Variants in B3GAT3 observed in about 807,000 individuals in gnomAD.
B3GAT3 encodes galactosylgalactosylxylosylprotein 3-beta-glucuronosyltransferase 3.
B3GAT3 carries 19 observed loss-of-function variants against 33.1 expected under a neutral mutation model. The observed-to-expected ratio is 0.57, with a 90% CI of 0.40 to 0.84. The LOEUF is 0.84. B3GAT3 is among the 40% of genes least tolerant of loss of function. The probability of loss-of-function intolerance (pLI) is 0.00; values close to 1 mark genes in which losing one functional copy is unlikely to be tolerated. For synonymous variants in B3GAT3, 167 were observed against 193.5 expected (o/e 0.86, Z 1.14); for missense variants, 344 against 441.5 (o/e 0.78, Z 1.98).
At chr11:62,620,084 C>T (rs377358703) in intron 2 of B3GAT3, among the ~76,000 whole-genome samples, 39 of 152,080 alleles carry the variant, frequency 2.6e-4, no homozygotes, top group Non-Finnish European at 5.3e-4. Context: ...AGTGCAATAG[C>T]GCACTCTCAG....
Position 62,615,345 on chromosome 11 carries a change from C to T in B3GAT3, c.*356G>A. The T allele has an allele frequency of 2.3e-6, 1 of 433,098 alleles. No individual in the cohort carries two copies. The highest frequency in any genetic ancestry group is 2.4e-5 in the South Asian group (1 of 41,774). 26.8% of individuals were successfully genotyped at this position (433,098 alleles called of 1,614,324 possible). ...GAGGTAGGAAGGGGGTCAGCATGCTCAGGTGGGAAGGGTCCAGCCCAGCTC... is the reference window on the plus strand; with the variant it reads ...GAGGTAGGAAGGGGGTCAGCATGCTTAGGTGGGAAGGGTCCAGCCCAGCTC... On this transcript the variant is annotated 3_prime_UTR_variant, in exon 5 of 5. Coordinates refer to ENST00000265471, the MANE Select transcript of B3GAT3 (RefSeq NM_012200.4).
At position 62,621,977 on chromosome 11, in the gene B3GAT3, C is replaced by T. The variant is rs755086193; in HGVS notation, c.-30G>A. The T allele has an allele frequency of 6.2e-5, 100 of 1,611,908 alleles. No individual in the cohort carries two copies. The highest frequency in any genetic ancestry group is 4.2e-6 in the Non-Finnish European group (5 of 1,178,976). ...GCGCCGCCGCCCGCGCCCGAGCAGGCGGGGTCTGCAGGGGACGAGGGGTTC... is the reference window on the plus strand; with the variant it reads ...GCGCCGCCGCCCGCGCCCGAGCAGGTGGGGTCTGCAGGGGACGAGGGGTTC... On this transcript the variant is annotated 5_prime_UTR_variant, in exon 1 of 5. Coordinates refer to ENST00000265471, the MANE Select transcript of B3GAT3 (RefSeq NM_012200.4).
Position 62,616,486 on chromosome 11 carries a change from GC to G in B3GAT3, c.909+19del. On this transcript the variant is annotated intron_variant, in intron 4 of 4. Coordinates refer to ENST00000265471, the MANE Select transcript of B3GAT3 (RefSeq NM_012200.4). ...GTCCATCCAAGAGCCAGGTTTCTATGCCCATCTCCATTCCCTTACCCGAGTG... is the reference window on the plus strand; with the variant it reads ...GTCCATCCAAGAGCCAGGTTTCTATGCCATCTCCATTCCCTTACCCGAGTG... The G allele has an allele frequency of 3.1e-6, 5 of 1,613,978 alleles. No homozygotes were observed. Among genetic ancestry groups the G allele is most frequent in the Non-Finnish European group, 4.2e-6 (5 of 1,180,012 alleles).
chr11:62,620,421 TG>T (rs1943122801), intron 2 of B3GAT3, 75 bp downstream of exon 2: 2 of 1,402,220 alleles, frequency 1.4e-6, no homozygotes, highest in East Asian at 4.6e-5. Flanking sequence ...CCTAGCCCAG[TG>T]CCTCCCCAAA....
intron 2 of B3GAT3, among the ~76,000 whole-genome samples, chr11:62,619,633 G>A (rs1366063916): frequency 1.4e-5 from 2 of 144,836 alleles, no homozygotes; most frequent in Non-Finnish European, 3.0e-5. Context: ...CCAGGATCAA[G>A]CAATCTTCCC....
chr11:62,616,835 C>A, intron 3 of B3GAT3, 39 bp from the exon 4 acceptor site: 1 of 1,613,282 alleles, frequency 6.2e-7, no homozygotes, highest in South Asian at 1.1e-5. Context: ...AGGGGTGGTC[C>A]GGGGAAGGGA....
At chr11:62,619,066 G>A (rs1168502271) in intron 2 of B3GAT3, among the ~76,000 whole-genome samples, 12 of 151,770 alleles carry the variant, frequency 7.9e-5, no homozygotes, top group Non-Finnish European at 1.5e-4. Flanking sequence ...CAGGAGAATC[G>A]CTTGAACCCG....
Position 62,616,550 on chromosome 11 carries a change from C to T in B3GAT3, c.865G>A (p.Val289Met), listed in dbSNP as rs1371848783. The change falls in exon 4 of 5, where the codon GTG becomes ATG. Residue 289 changes from valine (V) to methionine (M), a missense_variant. Val to Met is a conservative substitution (Grantham distance 21, BLOSUM62 1). Transcript: ENST00000265471. ...HLESSLLSHL[V>M]DPKDLEPRAA... ...CGTGGCTCCAGGTCCTTGGGATCCA[C>T]AAGGTGGCTCAGAAGACTGCTCTCC... The T allele has an allele frequency of 1.2e-6, 2 of 1,614,120 alleles. No individual in the cohort carries two copies. Among genetic ancestry groups the T allele is most frequent in the Non-Finnish European group, 1.7e-6 (2 of 1,180,052 alleles).
At chr11:62,616,249 A>AG in intron 4 of B3GAT3, 1 of 612,738 alleles carries the variant, frequency 1.6e-6, no homozygotes, top group East Asian at 3.0e-5. Flanking sequence ...GTCTGAAAAA[A>AG]AAAAAAAAAC....
Position 62,620,586 on chromosome 11 carries a change from C to T in B3GAT3, c.168G>A (p.Ala56=), listed in dbSNP as rs555145931. ...GGGCAGGGGGTGGCCGTCGGAGTTC[C>T]GCTTGCAGCTGGGAAATCCTCAGAT... The part of the protein sequence containing the change: ...QKDLRISQLQ[A]ELRRPPPAPA... The change falls in exon 2 of 5, where the codon GCG becomes GCA. Residue 56 remains alanine (A), a synonymous_variant. Transcript: ENST00000265471. 2.5e-5 allele frequency: 41 copies of T among 1,612,470 alleles called. No individual in the cohort carries two copies. Among genetic ancestry groups the T allele is most frequent in the Non-Finnish European group, 3.1e-5 (37 of 1,179,316 alleles).
At position 62,615,681 on chromosome 11, in the gene B3GAT3, T is replaced by A; in HGVS notation, c.*20A>T. 5 of 1,610,558 alleles carry A rather than the reference T, an allele frequency of 3.1e-6. No individual in the cohort carries two copies. Among genetic ancestry groups the A allele is most frequent in the Non-Finnish European group, 3.4e-6 (4 of 1,179,080 alleles). On this transcript the variant is annotated 3_prime_UTR_variant, in exon 5 of 5. Transcript: ENST00000265471. ...AAGGTCTGTGCCTGAAAAGAGGTGGTAGTTGGGGTGGGGCCGCCATCACAC... is the reference window on the plus strand; with the variant it reads ...AAGGTCTGTGCCTGAAAAGAGGTGGAAGTTGGGGTGGGGCCGCCATCACAC...
rs1436324851 is a variant in B3GAT3 at position 62,621,917 on chromosome 11, C to T, written c.31G>A (p.Ala11Thr). The change falls in exon 1 of 5, where the codon GCC becomes ACC. Residue 11 changes from alanine (A) to threonine (T), a missense_variant. Physicochemically the swap from Ala to Thr is moderately conservative, Grantham distance 58. Transcript: ENST00000265471. Reference protein sequence around the residue: MKLKLKNVFLAYFLVSIAGLL... With the variant: MKLKLKNVFLTYFLVSIAGLL... ...CCGGCGATCGACACCAGGAAGTAGG[C>T]GAGAAACACGTTCTTCAGCTTCAGC... The T allele has an allele frequency of 6.2e-7, 1 of 1,613,086 alleles. No homozygotes were observed. Among genetic ancestry groups the T allele is most frequent in the South Asian group, 1.1e-5 (1 of 91,078 alleles).
intron 4 of B3GAT3, chr11:62,616,116 T>C (rs529032284): frequency 6.3e-5 from 39 of 619,776 alleles, no homozygotes; most frequent in East Asian, 5.5e-4. Context: ...TGGTAGCGGG[T>C]GCCTGTAGTC....
chr11:62,619,695 C>T (rs920804011), intron 2 of B3GAT3, among the ~76,000 whole-genome samples: 2 of 39,494 alleles, frequency 5.1e-5, no homozygotes, highest in Non-Finnish European at 1.0e-4. Flanking sequence ...TCACGCCTAG[C>T]TAACTTTTTT....
At chr11:62,616,175 C>T (rs1287672178) in intron 4 of B3GAT3, 3 of 523,174 alleles carry the variant, frequency 5.7e-6, no homozygotes, top group East Asian at 4.0e-5. Context: ...ACCCGGGAGG[C>T]GGAGCTTGCG....
Position 62,615,310 on chromosome 11 carries a change from C to G in B3GAT3, c.*391G>C. On this transcript the variant is annotated 3_prime_UTR_variant, in exon 5 of 5. Transcript: ENST00000265471. Reference sequence around the variant, plus strand: ...CAAGAGGCCCCTCCAGGTTGAGATTCTTTATTCTGGAGGTAGGAAGGGGGT... The same window carrying G: ...CAAGAGGCCCCTCCAGGTTGAGATTGTTTATTCTGGAGGTAGGAAGGGGGT... 8.0e-6 allele frequency: 3 copies of G among 376,890 alleles called. No homozygotes were observed. In the South Asian group the frequency reaches 8.1e-5, roughly 10 times the overall value. The allele number at this position is 376,890 out of a possible 1,614,324, so 23.3% of individuals were successfully genotyped here. A position where few individuals can be genotyped will look rare whatever the true frequency, so the allele number is the denominator to read the frequency against.
chr11:62,619,123 C>A (rs1459874198), intron 2 of B3GAT3, among the ~76,000 whole-genome samples: 1 of 151,814 alleles, frequency 6.6e-6, no homozygotes, highest in African/African-American at 2.4e-5. Context: ...TGCACTCCAG[C>A]CTGGGCAACA....
chr11:62,616,036 G>T, intron 4 of B3GAT3: 1 of 1,265,738 alleles, frequency 7.9e-7, no homozygotes, highest in Non-Finnish European at 1.0e-6. Flanking sequence ...GAGGTCAGGA[G>T]ATTGAGACCA....
Position 62,615,541 on chromosome 11 carries a change from G to A in B3GAT3, c.*160C>T. 1.5e-6 allele frequency: 2 copies of A among 1,316,630 alleles called. No homozygotes were observed. Among genetic ancestry groups the A allele is most frequent in the Non-Finnish European group, 2.1e-6 (2 of 962,272 alleles). 81.6% of individuals were successfully genotyped at this position (1,316,630 alleles called of 1,614,324 possible). A position where few individuals can be genotyped will look rare whatever the true frequency, so the allele number is the denominator to read the frequency against. On this transcript the variant is annotated 3_prime_UTR_variant, in exon 5 of 5. Coordinates refer to ENST00000265471, the MANE Select transcript of B3GAT3 (RefSeq NM_012200.4). The stretch of plus-strand genomic sequence containing the variant: ...CAGTGCCACACGGCAGGCTAGGGGA[G>A]GGGTGAAGCAGCAGGACCATGCCCT...
Sources: gnomAD v4.1 joint callset for allele counts (sites outside exome capture counted in the v4.1 genomes callset) on GRCh38, gnomAD v4.1.1 for gene constraint, MANE v1.5 for transcripts, NCBI Gene and HGNC (gene_info 2026-07-23, HGNC 2026-07-21) for gene names.